Variants in QSOX1 observed in about 807,000 individuals in gnomAD.
QSOX1 encodes the protein sulfhydryl oxidase 1.
QSOX1 carries 40 observed loss-of-function variants against 76.1 expected under a neutral mutation model. The ratio of observed to expected loss-of-function variants is 0.53; its 90% CI spans 0.41 to 0.68. QSOX1 has a LOEUF of 0.68. Ranked by LOEUF, QSOX1 falls within the 30% of genes least tolerant of loss-of-function variation. QSOX1 has a pLI of 0.00. For missense variants in QSOX1, 931 were observed against 974.3 expected (o/e 0.96, Z 0.59); for synonymous variants, 392 against 413.1 (o/e 0.95, Z 0.62).
intron 6 of QSOX1, 87 bp downstream of exon 6, chr1:180,182,406 A>G (rs1663063236): frequency 3.3e-6 from 5 of 1,528,206 alleles, no homozygotes; most frequent in South Asian, 2.4e-5. Context: ...CGCCTTTCAC[A>G]GTGGCCAACA....
rs74644005 is a variant in QSOX1, at chr1:180,198,753, C to T, written c.*1716C>T. 4 of 257,778 alleles carry T rather than the reference C, an allele frequency of 1.6e-5. No individual in the cohort carries two copies. The East Asian group carries it at 3.8e-4, about 25-fold the overall frequency. The allele number at this position is 257,778 out of a possible 1,614,324, so 16.0% of individuals were successfully genotyped here. A position where few individuals can be genotyped will look rare whatever the true frequency, so the allele number is the denominator to read the frequency against. Reference sequence around the variant, plus strand: ...CTGGTTGTGCTCTGCACCCCCTGCTCCCTTGGGCTGGCCCTGGCTGGGGGC... The same window carrying T: ...CTGGTTGTGCTCTGCACCCCCTGCTTCCTTGGGCTGGCCCTGGCTGGGGGC... On this transcript the variant is annotated 3_prime_UTR_variant, in exon 12 of 12. Transcript: ENST00000367602.
intron 5 of QSOX1, among the ~76,000 whole-genome samples, chr1:180,180,281 G>A (rs923368844): frequency 6.6e-6 from 1 of 152,206 alleles, no homozygotes; most frequent in African/African-American, 2.4e-5. Flanking sequence ...CACTGTCTTG[G>A]CTCGCTGCAA....
At position 180,173,343 on chromosome 1, in the gene QSOX1, G is replaced by GGACTTACATAAGTGTAAGT. The variant is rs1662805422; in HGVS notation, c.367-1978_367-1977insGACTTACATAAGTGTAAGT. Among the ~76,000 whole-genome samples the GGACTTACATAAGTGTAAGT allele has an allele frequency of 1.3e-5, 2 of 152,004 alleles. 1 individual carries two copies. The highest frequency in any genetic ancestry group is 4.2e-4 in the South Asian group (2 of 4,818). On this transcript the variant is annotated intron_variant, in intron 2 of 11. Transcript: ENST00000367602. ...CATGAAAAAGTGTCAGTCCATAAATGCCGTAACTTACATTATCAATACGAT... is the reference window on the plus strand; with the variant it reads ...CATGAAAAAGTGTCAGTCCATAAATGGACTTACATAAGTGTAAGTCCGTAACTTACATTATCAATACGAT...
intron 1 of QSOX1, among the ~76,000 whole-genome samples, chr1:180,159,457 C>T (rs550062463): frequency 6.6e-6 from 1 of 152,316 alleles, no homozygotes; most frequent in East Asian, 1.9e-4. Flanking sequence ...GACAAAATTA[C>T]ACCACATTCA....
At chr1:180,163,639 A>G (rs1261785064) in intron 1 of QSOX1, among the ~76,000 whole-genome samples, 1 of 152,242 alleles carries the variant, frequency 6.6e-6, no homozygotes, top group East Asian at 1.9e-4. Context: ...ATTTTAATTT[A>G]CTTAGAAATG....
chr1:180,177,567 T>C (rs188259090), intron 4 of QSOX1, among the ~76,000 whole-genome samples: 11 of 152,308 alleles, frequency 7.2e-5, no homozygotes, highest in African/African-American at 2.4e-4. Context: ...AAGCAATCCT[T>C]TTAAAGAACT....
Position 180,194,225 on chromosome 1 carries a change from A to C in QSOX1, c.1301A>C (p.Glu434Ala), listed in dbSNP as rs772657236. 1 of 1,612,232 alleles carries C rather than the reference A, an allele frequency of 6.2e-7. No individual in the cohort carries two copies. Among genetic ancestry groups the C allele is most frequent in the South Asian group, 1.1e-5 (1 of 90,876 alleles). ...DHSQEAAKAKEVLPAIRGYVH... is the reference protein window; with the variant it reads ...DHSQEAAKAKAVLPAIRGYVH... ...CTCTGCCCTGTAGCCAAGGCCAAGGAGGTCCTCCCAGCCATCCGAGGCTAC... is the reference window on the plus strand; with the variant it reads ...CTCTGCCCTGTAGCCAAGGCCAAGGCGGTCCTCCCAGCCATCCGAGGCTAC... Residue 434 changes from glutamate (E) to alanine (A), a missense_variant, in exon 11 of 12, where the codon GAG becomes GCG. By Grantham distance (107) the Glu-to-Ala change is moderately radical. Transcript: ENST00000367602.
chr1:180,182,434 C>T, intron 6 of QSOX1, 115 bp downstream of exon 6: 3 of 1,404,310 alleles, frequency 2.1e-6, no homozygotes, highest in Non-Finnish European at 2.0e-6. Flanking sequence ...TCTGAAGAGC[C>T]CCCTCAGGAG....
rs754618857 is a variant in QSOX1, at chr1:180,182,179, T to C, written c.612T>C (p.Ala204=). The C allele has an allele frequency of 1.2e-6, 2 of 1,614,058 alleles. No individual in the cohort carries two copies. The highest frequency in any genetic ancestry group is 4.5e-5 in the East Asian group (2 of 44,864). ...ATGTTCTGCTGTCCCTGCAGGTGGC[T>C]CTGGACCTGTCCCAGCACAAAGGCG... The part of the protein sequence containing the change: ...KGGSYLGREV[A]LDLSQHKGVA... The change falls in exon 6 of 12, where the codon GCT becomes GCC. Residue 204 remains alanine (A), a synonymous_variant. Coordinates refer to ENST00000367602, the MANE Select transcript of QSOX1 (RefSeq NM_002826.5).
chr1:180,195,001 G>T (rs10798740), intron 11 of QSOX1, among the ~76,000 whole-genome samples: 88,385 of 149,162 alleles, frequency 0.59, 28,798 homozygotes, highest in Non-Finnish European at 0.71. Flanking sequence ...CCTCCCGGGG[G>T]GGGGAGACCA....
At chr1:180,185,976 T>C in intron 7 of QSOX1, 77 bp from the exon 8 acceptor site, 5 of 1,539,236 alleles carry the variant, frequency 3.2e-6, no homozygotes, top group East Asian at 2.2e-5. Flanking sequence ...TCTCTCCCTT[T>C]AGCCCTGGAT....
Position 180,201,434 on chromosome 1 carries a change from TC to T in QSOX1, c.*4399del, listed in dbSNP as rs1382996831. On this transcript the variant is annotated 3_prime_UTR_variant, in exon 12 of 12. Coordinates refer to ENST00000367602, the MANE Select transcript of QSOX1 (RefSeq NM_002826.5). ...AGCTCCAGGGTGGGCCCAGTATCCT[TC>T]CACAGCATCCCTCCTCTTCCCCTTC... The T allele has an allele frequency of 6.6e-6, 1 of 152,326 alleles. No homozygotes were observed. Among genetic ancestry groups the T allele is most frequent in the Non-Finnish European group, 1.5e-5 (1 of 68,200 alleles). 9.4% of individuals were successfully genotyped at this position (152,326 alleles called of 1,614,324 possible).
intron 2 of QSOX1, 49 bp from the exon 3 acceptor site, chr1:180,175,272 C>G: frequency 1.3e-6 from 2 of 1,591,838 alleles, no homozygotes; most frequent in Non-Finnish European, 1.7e-6. Context: ...CGTGGCTGCA[C>G]TCTTGGCCAC....
chr1:180,156,776 A>C (rs186704488), intron 1 of QSOX1, among the ~76,000 whole-genome samples: 2 of 152,220 alleles, frequency 1.3e-5, no homozygotes, highest in South Asian at 2.1e-4. Context: ...TCAGGGGAGG[A>C]GGGAGGAAGA....
chr1:180,159,705 A>T (rs755551911), intron 1 of QSOX1, among the ~76,000 whole-genome samples: 3 of 152,188 alleles, frequency 2.0e-5, no homozygotes, highest in Non-Finnish European at 2.9e-5. Flanking sequence ...TTTGACTGTT[A>T]ACTCACTCTC....
At chr1:180,192,394 C>T (rs1455519386) in intron 10 of QSOX1, among the ~76,000 whole-genome samples, 4 of 152,200 alleles carry the variant, frequency 2.6e-5, no homozygotes, top group Non-Finnish European at 5.9e-5. Context: ...AGTTGGTTAA[C>T]ACTTTAGAAA....
rs1240874128 is a variant in QSOX1 at position 180,175,785 on chromosome 1, G to A, written c.413-146G>A. The A allele has an allele frequency of 7.6e-6, 5 of 655,816 alleles. No individual in the cohort carries two copies. The East Asian group carries it at 1.4e-4, about 18-fold the overall frequency. 40.6% of individuals were successfully genotyped at this position (655,816 alleles called of 1,614,324 possible). On this transcript the variant is annotated intron_variant, in intron 3 of 11. Coordinates refer to ENST00000367602, the MANE Select transcript of QSOX1 (RefSeq NM_002826.5). The stretch of plus-strand genomic sequence containing the variant: ...GGACTACTCAAGCCCCATTCTTCTA[G>A]CACAGGGAAGGACTGACGCCTCGTC...
chr1:180,196,549 A>G lies in QSOX1; in HGVS notation c.1756A>G (p.Met586Val). 1.2e-6 allele frequency: 2 copies of G among 1,614,152 alleles called. No individual in the cohort carries two copies. The highest frequency in any genetic ancestry group is 8.5e-7 in the Non-Finnish European group (1 of 1,180,022). The change falls in exon 12 of 12, where the codon ATG becomes GTG. Residue 586 changes from methionine (M) to valine (V), a missense_variant. Physicochemically the swap from Met to Val is conservative, Grantham distance 21 (BLOSUM62 1). Coordinates refer to ENST00000367602, the MANE Select transcript of QSOX1 (RefSeq NM_002826.5). The surrounding 1 kb of genome is among the most constrained non-coding windows in gnomAD (Gnocchi z 4.1). The part of the protein sequence containing the change: ...STLDPGKPEM[M>V]KSPTNTTPHV... ...TCTGGACCCTGGGAAGCCTGAGATG[A>G]TGAAGTCCCCCACAAACACCACCCC...
At chr1:180,178,977 C>T (rs527237247) in intron 5 of QSOX1, 93 bp downstream of exon 5, 1 of 1,151,414 alleles carries the variant, frequency 8.7e-7, no homozygotes, top group Admixed American at 1.8e-5. Flanking sequence ...ATTCTAGGGT[C>T]TTGGCTGCCT....
Sources: gnomAD v4.1 joint callset for allele counts (sites outside exome capture counted in the v4.1 genomes callset) on GRCh38, gnomAD v4.1.1 for gene constraint, Gnocchi (gnomAD v3.1) non-coding constraint, MANE v1.5 for transcripts, NCBI Gene and HGNC (gene_info 2026-07-23, HGNC 2026-07-21) for gene names.